The following RORA variants were observed in gnomAD, a reference collection of about 807,000 sequenced individuals.
RORA encodes nuclear receptor ROR-alpha.
Under a neutral mutation model 69.5 loss-of-function variants are expected in RORA, and 7 were observed. That is an observed-to-expected ratio of 0.10 (90% CI 0.06 to 0.19). RORA has a LOEUF of 0.19. Among genes scored for constraint, RORA ranks in the 10% least tolerant of loss-of-function variants. RORA has a pLI of 1.00. For missense variants in RORA, 457 were observed against 663.0 expected, an observed-to-expected ratio of 0.69 and a Z score of 3.41; for synonymous variants, 261 against 240.8, an observed-to-expected ratio of 1.08 and a Z score of -0.78.
intron 1 of RORA, among the ~76,000 whole-genome samples, chr15:61,198,155 C>T (rs902551092): frequency 6.6e-6 from 1 of 151,942 alleles, no homozygotes; most frequent in Non-Finnish European, 1.5e-5. Context: ...CATTTTAGTG[C>T]AAATTTAAAA....
chr15:60,721,543 G>C (rs1475813047), intron 1 of RORA, among the ~76,000 whole-genome samples: 1 of 152,230 alleles, frequency 6.6e-6, no homozygotes. Flanking sequence ...GGAATTCACA[G>C]TATGAAGTGC....
intron 2 of RORA, among the ~76,000 whole-genome samples, chr15:60,671,784 G>A (rs2070477487): frequency 6.6e-6 from 1 of 151,156 alleles, no homozygotes; most frequent in South Asian, 2.1e-4. Context: ...ACTAATTTTT[G>A]TATTTTTAGT....
intron 1 of RORA, among the ~76,000 whole-genome samples, chr15:60,807,289 T>C (rs980837833): frequency 6.6e-6 from 1 of 152,060 alleles, no homozygotes; most frequent in Non-Finnish European, 1.5e-5. Flanking sequence ...GAGAATCAAA[T>C]CAAGAACTCA....
At chr15:60,832,110 T>C (rs2073050168) in intron 1 of RORA, among the ~76,000 whole-genome samples, 1 of 152,238 alleles carries the variant, frequency 6.6e-6, no homozygotes, top group Non-Finnish European at 1.5e-5. Context: ...TATTATCCCC[T>C]TCTTCCATAG....
chr15:60,739,997 T>C (rs574333394), intron 1 of RORA, among the ~76,000 whole-genome samples: 4 of 152,272 alleles, frequency 2.6e-5, no homozygotes, highest in African/African-American at 9.6e-5. Flanking sequence ...GAAAGAGATT[T>C]GTCCATCTCC....
At chr15:60,994,355 A>G (rs1894466138) in intron 1 of RORA, among the ~76,000 whole-genome samples, 1 of 152,220 alleles carries the variant, frequency 6.6e-6, no homozygotes, top group African/African-American at 2.4e-5. Context: ...GTAACTGTAA[A>G]TATTCTGCTA....
At chr15:60,503,143 A>C (rs1290020328) in intron 7 of RORA, among the ~76,000 whole-genome samples, 4 of 152,218 alleles carry the variant, frequency 2.6e-5, no homozygotes, top group Admixed American at 2.6e-4. Context: ...CGCAATGCAG[A>C]GTCTCAGAGT....
At chr15:60,850,483 T>C (rs1275443551) in intron 1 of RORA, among the ~76,000 whole-genome samples, 2 of 152,128 alleles carry the variant, frequency 1.3e-5, no homozygotes, top group African/African-American at 2.4e-5. Context: ...CTCTAGACTT[T>C]GGGTTCCTCA....
At chr15:60,581,219 A>G (rs2068183350) in intron 2 of RORA, among the ~76,000 whole-genome samples, 1 of 152,238 alleles carries the variant, frequency 6.6e-6, no homozygotes, top group Non-Finnish European at 1.5e-5. Context: ...CTTCCAGGCC[A>G]CTTCAAAAGG....
chr15:61,060,221 C>T (rs1324142511), intron 1 of RORA, among the ~76,000 whole-genome samples: 1 of 152,174 alleles, frequency 6.6e-6, no homozygotes, highest in East Asian at 1.9e-4. Context: ...ACAGAGTTCA[C>T]ACTTCTCAGG....
intron 1 of RORA, among the ~76,000 whole-genome samples, chr15:60,920,979 C>G (rs1378562673): frequency 6.6e-6 from 1 of 152,162 alleles, no homozygotes; most frequent in African/African-American, 2.4e-5. Flanking sequence ...AACCCAGGAC[C>G]AGAATATCAA....
At chr15:60,965,892 T>A (rs1181419728) in intron 1 of RORA, among the ~76,000 whole-genome samples, 2 of 152,158 alleles carry the variant, frequency 1.3e-5, no homozygotes, top group African/African-American at 4.8e-5. Context: ...CCTGTCCATG[T>A]GCTAGAATTT....
chr15:60,901,332 C>A lies in RORA; in HGVS notation c.167-222646G>T, dbSNP rs143688835. On this transcript the variant is annotated intron_variant, in intron 1 of 10. Transcript: ENST00000335670. The stretch of plus-strand genomic sequence containing the variant: ...GATTAAAAACACCAGCCACCACACC[C>A]AGCTAATTTTTGTACTTTTAGTAGA... Among the ~76,000 whole-genome samples, 851 of 152,284 alleles carry A rather than the reference C, an allele frequency of 5.6e-3. 10 individuals are homozygous for A. Among genetic ancestry groups the A allele is most frequent in the African/African-American group, 0.019 (806 of 41,560 alleles).
chr15:60,997,471 G>T (rs1894592040), intron 1 of RORA, among the ~76,000 whole-genome samples: 2 of 151,986 alleles, frequency 1.3e-5, no homozygotes, highest in South Asian at 2.1e-4. Context: ...TTAAAGAAAA[G>T]ATATATTTAT....
At chr15:60,635,326 GTT>G (rs1179530772) in intron 2 of RORA, among the ~76,000 whole-genome samples, 1 of 152,168 alleles carries the variant, frequency 6.6e-6, no homozygotes, top group Admixed American at 6.5e-5. Context: ...TGAATTCTGT[GTT>G]TTGGAATAAA....
intron 1 of RORA, among the ~76,000 whole-genome samples, chr15:60,956,302 C>G (rs995410792): frequency 5.3e-5 from 8 of 151,918 alleles, no homozygotes; most frequent in African/African-American, 1.9e-4. Flanking sequence ...AAAACATATT[C>G]TTCATGTATT....
intron 1 of RORA, among the ~76,000 whole-genome samples, chr15:60,739,645 C>A (rs2071547721): frequency 6.6e-6 from 1 of 152,086 alleles, no homozygotes; most frequent in South Asian, 2.1e-4. Context: ...CCAACTCAGT[C>A]TGGGGGAAGG....
chr15:61,108,999 C>T (rs2078977743), intron 1 of RORA, among the ~76,000 whole-genome samples: 2 of 152,258 alleles, frequency 1.3e-5, no homozygotes, highest in South Asian at 4.1e-4. Flanking sequence ...GAGACTGAGA[C>T]TTCCTGGCCA....
chr15:60,578,642 G>A (rs1025695795), intron 2 of RORA, among the ~76,000 whole-genome samples: 1 of 152,044 alleles, frequency 6.6e-6, no homozygotes. Flanking sequence ...GTATAAAGCA[G>A]AAGTGCTTTA....
Sources: allele counts gnomAD v4.1 joint callset (sites outside exome capture counted in the v4.1 genomes callset), GRCh38; gene constraint gnomAD v4.1.1; transcripts MANE v1.5; gene names NCBI Gene and HGNC (gene_info 2026-07-23, HGNC 2026-07-21).